ADH1A: variants seen among roughly 807,000 people sequenced by gnomAD.
ADH1A encodes alcohol dehydrogenase 1A.
Under a neutral mutation model 35.2 loss-of-function variants are expected in ADH1A, and 29 were observed. That is an observed-to-expected ratio of 0.82 (90% CI 0.61 to 1.12). The LOEUF is 1.12. Among genes scored for constraint, ADH1A ranks in the 50% most tolerant of loss-of-function variants. The pLI is 0.00. For synonymous variants in ADH1A, 147 were observed against 164.8 expected (o/e 0.89, Z 0.83); for missense variants, 469 against 464.7 (o/e 1.01, Z -0.09).
Position 99,290,834 on chromosome 4 carries a change from G to T in ADH1A, c.18+63C>A. The T allele has an allele frequency of 6.7e-7, 1 of 1,486,174 alleles. No individual in the cohort carries two copies. 92.1% of individuals were successfully genotyped at this position (1,486,174 alleles called of 1,614,324 possible). Reference sequence around the variant, plus strand: ...AATTTTAAATGATTCATCAAATACTGTATTACTTTCTTTGTTATATTGATG... The same window carrying T: ...AATTTTAAATGATTCATCAAATACTTTATTACTTTCTTTGTTATATTGATG... On this transcript the variant is annotated intron_variant, in intron 1 of 8. Transcript: ENST00000209668.
In ADH1A at chr4:99,280,173, C is replaced by T. The variant is rs1732964775; in HGVS notation, c.935G>A (p.Gly312Glu). Residue 312 changes from glycine to glutamate, a missense_variant, in exon 7 of 9, where the codon GGA becomes GAA. Transcript: ENST00000209668. Reference sequence around the variant, plus strand: ...AAGAATAGCTCCCTTCCAGGTACGTCCAGTCAGTAGCAGCATAGGGTTCAT... The same window carrying T: ...AAGAATAGCTCCCTTCCAGGTACGTTCAGTCAGTAGCAGCATAGGGTTCAT... ...LSMNPMLLLT[G>E]RTWKGAILGG... The T allele has an allele frequency of 6.2e-7, 1 of 1,613,714 alleles. No homozygotes were observed.
chr4:99,283,329 A>C (rs1362530467), intron 5 of ADH1A, among the ~76,000 whole-genome samples: 2 of 152,236 alleles, frequency 1.3e-5, no homozygotes, highest in Admixed American at 6.5e-5. Flanking sequence ...AAAGTCACAG[A>C]AATTTGGAAA....
Position 99,287,561 on chromosome 4 carries a change from C to T in ADH1A, c.120+3G>A. On this transcript the variant is annotated splice_donor_region_variant and intron_variant, in intron 2 of 8. Transcript: ENST00000209668. Reference sequence around the variant, plus strand: ...TAAATACAAATGGAAAAATGTATTTCACCTTAATACGAACTTCATGGGCCT... The same window carrying T: ...TAAATACAAATGGAAAAATGTATTTTACCTTAATACGAACTTCATGGGCCT... 6.2e-7 allele frequency: 1 copy of T among 1,603,466 alleles called. No homozygotes were observed. The highest frequency in any genetic ancestry group is 8.5e-7 in the Non-Finnish European group (1 of 1,175,706).
At chr4:99,287,815 A>G (rs919381375) in intron 1 of ADH1A, 150 bp from the exon 2 acceptor site, 7 of 734,394 alleles carry the variant, frequency 9.5e-6, no homozygotes, top group African/African-American at 5.4e-5. Context: ...ATTTATAAAG[A>G]GAAAAAAATA....
intron 6 of ADH1A, among the ~76,000 whole-genome samples, chr4:99,281,427 A>G (rs1426901248): frequency 6.6e-6 from 1 of 152,190 alleles, no homozygotes; most frequent in Admixed American, 6.5e-5. Flanking sequence ...GCAAGATTGG[A>G]AATAGTATTT....
rs758550590 is a variant in ADH1A, at chr4:99,282,374, A to G, written c.800T>C (p.Phe267Ser). ...EMTDGGVDFS[F>S]EVIGRLDTMM... is the part of the protein sequence containing the mutation. ...GGTGTCAAGCCGACCGATGACTTCAAATGAAAAATCCACACCTCCATCAGT... is the reference window on the plus strand; with the variant it reads ...GGTGTCAAGCCGACCGATGACTTCAGATGAAAAATCCACACCTCCATCAGT... The change falls in exon 6 of 9, where the codon TTT (phenylalanine) becomes TCT (serine). Residue 267 changes from phenylalanine to serine, a missense_variant. Physicochemically the swap from Phe to Ser is radical, Grantham distance 155. Transcript: ENST00000209668. The G allele has an allele frequency of 3.7e-6, 6 of 1,614,146 alleles. No homozygotes were observed. Among genetic ancestry groups the G allele is most frequent in the East Asian group, 2.2e-5 (1 of 44,888 alleles).
chr4:99,286,644 A>G (rs1733158715), intron 3 of ADH1A: 1 of 778,268 alleles, frequency 1.3e-6, no homozygotes, highest in African/African-American at 1.8e-5. Context: ...TCAGTACATA[A>G]TTGTTGAAGG....
At chr4:99,284,670 A>G in intron 4 of ADH1A, 46 bp downstream of exon 4, 1 of 1,613,198 alleles carries the variant, frequency 6.2e-7, no homozygotes, top group Non-Finnish European at 8.5e-7. Flanking sequence ...GACCATAACT[A>G]ATGTGCAAAC....
intron 8 of ADH1A, 95 bp downstream of exon 8, chr4:99,279,331 C>A: frequency 6.9e-7 from 1 of 1,456,712 alleles, no homozygotes; most frequent in Non-Finnish European, 9.1e-7. Context: ...CCAAGGCACT[C>A]TAATTTTTCT....
chr4:99,282,912 G>A (rs555859507), intron 5 of ADH1A, among the ~76,000 whole-genome samples: 3 of 152,290 alleles, frequency 2.0e-5, no homozygotes, highest in African/African-American at 7.2e-5. Context: ...AGGTCAGGCT[G>A]GGAACCAGGC....
chr4:99,286,771 C>G, intron 3 of ADH1A, 79 bp downstream of exon 3: 1 of 1,580,848 alleles, frequency 6.3e-7, no homozygotes, highest in Admixed American at 1.7e-5. Context: ...TTTCGTCCCT[C>G]TTTGCCTCTG....
In ADH1A at chr4:99,279,660, C is replaced by T. The variant is rs568032964; in HGVS notation, c.965-96G>A. On this transcript the variant is annotated intron_variant, in intron 7 of 8. Transcript: ENST00000209668. ...AATAAATGAAAGTTTAGAAAAGATG[C>T]TGCTTCCAGACTGCAACGACTGAGG... 1.3e-4 allele frequency: 186 copies of T among 1,447,824 alleles called. 2 individuals carry two copies. In the Middle Eastern group the frequency reaches 1.6e-3, roughly 12 times the overall value. 89.7% of individuals were successfully genotyped at this position (1,447,824 alleles called of 1,614,324 possible). A position where few individuals can be genotyped will look rare whatever the true frequency, so the allele number is the denominator to read the frequency against.
intron 2 of ADH1A, among the ~76,000 whole-genome samples, chr4:99,287,289 A>G (rs1429704194): frequency 6.6e-6 from 1 of 152,234 alleles, no homozygotes; most frequent in Non-Finnish European, 1.5e-5. Context: ...GAAGTTGCAA[A>G]TTAATACATA....
intron 5 of ADH1A, 148 bp from the exon 6 acceptor site, chr4:99,282,754 G>A: frequency 7.7e-7 from 1 of 1,302,122 alleles, no homozygotes; most frequent in Non-Finnish European, 1.0e-6. Context: ...AATTCATGGA[G>A]TTGAACTAGT....
intron 7 of ADH1A, 143 bp from the exon 8 acceptor site, chr4:99,279,707 C>A: frequency 9.9e-7 from 1 of 1,014,862 alleles, no homozygotes. Context: ...TACAGTACCT[C>A]AATAAGCTTT....
rs28364294 is a variant in ADH1A at position 99,290,236 on chromosome 4, A to C, written c.18+661T>G. 4.0e-3 allele frequency among the ~76,000 whole-genome samples: 603 copies of C among 152,236 alleles called. 1 individual carries two copies. Among genetic ancestry groups the C allele is most frequent in the African/African-American group, 0.013 (549 of 41,534 alleles). Reference sequence around the variant, plus strand: ...ATAAGTGATTCAAATTGTATTATTAATTTTCTGTAAAACCATATTGACTTT... The same window carrying C: ...ATAAGTGATTCAAATTGTATTATTACTTTTCTGTAAAACCATATTGACTTT... On this transcript the variant is annotated intron_variant, in intron 1 of 8. Coordinates refer to ENST00000209668, the MANE Select transcript of ADH1A (RefSeq NM_000667.4).
intron 7 of ADH1A, 86 bp downstream of exon 7, chr4:99,280,058 G>T: frequency 1.3e-6 from 2 of 1,558,110 alleles, no homozygotes; most frequent in Admixed American, 1.7e-5. Flanking sequence ...TTTTTGATCT[G>T]CTTTTCAAAA....
At chr4:99,279,655 A>G in intron 7 of ADH1A, 91 bp from the exon 8 acceptor site, 4 of 1,474,308 alleles carry the variant, frequency 2.7e-6, no homozygotes, top group Non-Finnish European at 2.8e-6. Context: ...AGTTTAGAAA[A>G]GATGCTGCTT....
At chr4:99,281,885 G>C (rs1437378145) in intron 6 of ADH1A, 1 of 194,100 alleles carries the variant, frequency 5.2e-6, no homozygotes, top group East Asian at 1.4e-4. Flanking sequence ...TAAAACAATA[G>C]TTGGCCTAAA....
Sources: allele counts gnomAD v4.1 joint callset (sites outside exome capture counted in the v4.1 genomes callset), GRCh38; gene constraint gnomAD v4.1.1; transcripts MANE v1.5; gene names NCBI Gene and HGNC (gene_info 2026-07-23, HGNC 2026-07-21).